DOCK2: variants seen among roughly 807,000 people sequenced by gnomAD.
DOCK2 encodes the protein dedicator of cytokinesis 2.
DOCK2 carries 87 observed loss-of-function variants against 248.9 expected under a neutral mutation model. That is an observed-to-expected ratio of 0.35 (90% CI 0.29 to 0.42). The LOEUF (loss-of-function observed/expected upper bound fraction) is 0.42, where lower values mean the gene tolerates loss of function less well. DOCK2 is among the 10% of genes least tolerant of loss of function. DOCK2 has a pLI of 1.00. For synonymous variants in DOCK2, 805 were observed against 821.6 expected, an observed-to-expected ratio of 0.98 and a Z score of 0.35; for missense variants, 1,747 against 2,300.2, an observed-to-expected ratio of 0.76 and a Z score of 4.92.
At chr5:169,931,323 T>C (rs1775740608) in intron 27 of DOCK2, among the ~76,000 whole-genome samples, 1 of 152,154 alleles carries the variant, frequency 6.6e-6, no homozygotes, top group Non-Finnish European at 1.5e-5. Context: ...CTTCCAACAG[T>C]GGGTCAGTGG....
intron 26 of DOCK2, among the ~76,000 whole-genome samples, chr5:169,819,622 A>G (rs1333325873): frequency 6.6e-6 from 1 of 152,124 alleles, no homozygotes; most frequent in Non-Finnish European, 1.5e-5. Flanking sequence ...CCCTGTCTCG[A>G]AAAAAACAAA....
At chr5:169,704,393 G>A (rs1308020263) in intron 14 of DOCK2, among the ~76,000 whole-genome samples, 1 of 152,118 alleles carries the variant, frequency 6.6e-6, no homozygotes, top group African/African-American at 2.4e-5. Context: ...GGACCAGAGG[G>A]CAGAGGAGGT....
At chr5:169,761,490 C>A in intron 24 of DOCK2, 29 bp from the exon 25 acceptor site, 2 of 1,588,098 alleles carry the variant, frequency 1.3e-6, no homozygotes, top group South Asian at 1.1e-5. Flanking sequence ...CTGCCTTGCT[C>A]TACCAGCTCC....
intron 33 of DOCK2, 78 bp from the exon 34 acceptor site, chr5:170,027,785 G>A (rs1405226520): frequency 7.3e-7 from 1 of 1,376,674 alleles, no homozygotes; most frequent in African/African-American, 1.4e-5. Context: ...CTAAAGCTTT[G>A]GTTGAAATAA....
chr5:169,719,416 A>G (rs73798759), intron 22 of DOCK2, among the ~76,000 whole-genome samples: 4,943 of 152,348 alleles, frequency 0.032, 96 homozygotes, highest in African/African-American at 0.044. Context: ...TTTGTGTGTA[A>G]TCAGGTTGGT....
At chr5:169,641,256 C>T (rs572824458) in intron 1 of DOCK2, among the ~76,000 whole-genome samples, 12 of 152,308 alleles carry the variant, frequency 7.9e-5, no homozygotes, top group African/African-American at 2.6e-4. Flanking sequence ...GAGACTCCAA[C>T]GTCTCTTTTT....
At chr5:169,920,105 C>A (rs1197168361) in intron 27 of DOCK2, among the ~76,000 whole-genome samples, 1 of 152,068 alleles carries the variant, frequency 6.6e-6, no homozygotes, top group Non-Finnish European at 1.5e-5. Flanking sequence ...TAAAGAAACA[C>A]CAAGAGATTG....
At chr5:170,034,322 C>G (rs1448043843) in intron 34 of DOCK2, 77 bp from the exon 35 acceptor site, 1 of 1,559,600 alleles carries the variant, frequency 6.4e-7, no homozygotes, top group Non-Finnish European at 8.7e-7. Context: ...TGCATGTGCT[C>G]CATCCCACCG....
intron 1 of DOCK2, among the ~76,000 whole-genome samples, chr5:169,644,975 C>A (rs1324503036): frequency 6.6e-6 from 1 of 152,164 alleles, no homozygotes; most frequent in Non-Finnish European, 1.5e-5. Context: ...GACATGATCT[C>A]ATTTCTTTTT....
At chr5:169,768,555 G>A (rs929381205) in intron 25 of DOCK2, among the ~76,000 whole-genome samples, 8 of 152,162 alleles carry the variant, frequency 5.3e-5, no homozygotes, top group Non-Finnish European at 1.2e-4. Flanking sequence ...TCTGACAGGT[G>A]TGCACAGGGA....
intron 8 of DOCK2, among the ~76,000 whole-genome samples, chr5:169,686,560 T>G (rs1441017984): frequency 6.6e-6 from 1 of 152,152 alleles, no homozygotes; most frequent in Non-Finnish European, 1.5e-5. Context: ...AGAGGCACAA[T>G]GCAGGAAGGA....
chr5:169,739,419 A>G (rs1763197284), intron 22 of DOCK2, among the ~76,000 whole-genome samples: 1 of 152,210 alleles, frequency 6.6e-6, no homozygotes, highest in African/African-American at 2.4e-5. Context: ...GGAGAAATGG[A>G]CTGTTGTAGG....
intron 44 of DOCK2, among the ~76,000 whole-genome samples, chr5:170,059,744 T>C (rs914779375): frequency 3.9e-5 from 6 of 152,210 alleles, no homozygotes; most frequent in Non-Finnish European, 5.9e-5. Flanking sequence ...TTACATAAAT[T>C]AATCAGTCAA....
chr5:170,079,334 G>A, intron 49 of DOCK2, 188 bp downstream of exon 49: 1 of 733,024 alleles, frequency 1.4e-6, no homozygotes, highest in South Asian at 1.8e-5. Flanking sequence ...CAGCTGGGGT[G>A]GCTGGGACAT....
At chr5:169,930,217 C>T (rs1775679834) in intron 27 of DOCK2, among the ~76,000 whole-genome samples, 1 of 152,148 alleles carries the variant, frequency 6.6e-6, no homozygotes, top group Admixed American at 6.5e-5. Flanking sequence ...GTCTCAATCT[C>T]CTGACCTTGT....
At chr5:169,721,401 T>G (rs1186850489) in intron 22 of DOCK2, among the ~76,000 whole-genome samples, 1 of 152,184 alleles carries the variant, frequency 6.6e-6, no homozygotes, top group African/African-American at 2.4e-5. Flanking sequence ...TGTGTCTTGT[T>G]CTTTTTAGAA....
At chr5:170,065,953 G>GGTT (rs1757475301) in intron 44 of DOCK2, among the ~76,000 whole-genome samples, 1 of 133,398 alleles carries the variant, frequency 7.5e-6, no homozygotes, top group African/African-American at 2.9e-5. Context: ...AATGAAAACT[G>GGTT]TTTTTTTTTT....
At chr5:169,978,390 TGTGGG>T (rs1777800112) in intron 27 of DOCK2, among the ~76,000 whole-genome samples, 1 of 16,590 alleles carries the variant, frequency 6.0e-5, no homozygotes, top group African/African-American at 1.9e-4. Context: ...TGTGTGTGTG[TGTGGG>T]GGGGGGGGGG....
Position 169,695,803 on chromosome 5 carries a change from G to A in DOCK2, c.844G>A (p.Asp282Asn). 1 of 1,612,880 alleles carries A rather than the reference G, an allele frequency of 6.2e-7. No homozygotes were observed. ...MLNNLKVVFTDLGNKDLNRDK... is the reference protein window; with the variant it reads ...MLNNLKVVFTNLGNKDLNRDK... ...CAATTTTTTGTTTCTTTCCCCCCAG[G>A]ATCTTGGAAACAAAGACCTCAACAG... Residue 282 changes from aspartate to asparagine, a missense_variant and splice_region_variant, in exon 10 of 52, where the codon GAT becomes AAT. By Grantham distance (23) the Asp-to-Asn change is conservative. This residue lies in a region of DOCK2 where 375 missense variants were observed against 510.9 expected (regional missense o/e 0.73). Transcript: ENST00000520908.
Sources: gnomAD v4.1 joint callset for allele counts (sites outside exome capture counted in the v4.1 genomes callset) on GRCh38, gnomAD v4.1.1 for gene constraint, gnomAD v4.1.1 regional missense constraint, MANE v1.5 for transcripts, NCBI Gene and HGNC (gene_info 2026-07-23, HGNC 2026-07-21) for gene names.